Variants in CTSS observed in about 807,000 individuals in gnomAD.
CTSS encodes the protein cathepsin S.
CTSS carries 15 observed loss-of-function variants against 39.9 expected under a neutral mutation model. That is an observed-to-expected ratio of 0.38 (90% CI 0.25 to 0.58). The LOEUF is 0.58. Ranked by LOEUF, CTSS falls within the 20% of genes least tolerant of loss-of-function variation. The pLI is 0.70. For synonymous variants in CTSS, 126 were observed against 138.2 expected (o/e 0.91, Z 0.62); for missense variants, 250 against 398.2 (o/e 0.63, Z 3.17).
intron 7 of CTSS, among the ~76,000 whole-genome samples, chr1:150,734,273 C>T (rs587607748): frequency 1.3e-5 from 2 of 151,958 alleles, no homozygotes; most frequent in South Asian, 4.1e-4. Flanking sequence ...GTGATCTACC[C>T]GCCTCAGGCT....
intron 2 of CTSS, among the ~76,000 whole-genome samples, chr1:150,760,245 C>T (rs926187879): frequency 1.3e-5 from 2 of 152,102 alleles, no homozygotes; most frequent in Admixed American, 6.6e-5. Flanking sequence ...TTCATCACCA[C>T]CAACGAAACC....
chr1:150,758,119 A>T, intron 2 of CTSS, 139 bp from the exon 3 acceptor site: 1 of 688,990 alleles, frequency 1.5e-6, no homozygotes, highest in South Asian at 2.0e-5. Context: ...GCACGATCTC[A>T]GCTTACTTCA....
At chr1:150,760,568 C>T (rs1487191834) in intron 2 of CTSS, among the ~76,000 whole-genome samples, 1 of 152,086 alleles carries the variant, frequency 6.6e-6, no homozygotes, top group African/African-American at 2.4e-5. Flanking sequence ...AGTGAAATTG[C>T]GTTTGTTTGT....
At position 150,750,037 on chromosome 1, in the gene CTSS, C is replaced by T. The variant is rs758742072; in HGVS notation, c.762G>A (p.Ala254=). 24 of 1,608,978 alleles carry T rather than the reference C, an allele frequency of 1.5e-5. No homozygotes were observed. Among genetic ancestry groups the T allele is most frequent in the Admixed American group, 3.4e-5 (2 of 59,610 alleles). Residue 254 remains alanine (A), a synonymous_variant, in exon 6 of 8, where the codon GCG becomes GCA. Coordinates refer to ENST00000368985, the MANE Select transcript of CTSS (RefSeq NM_004079.5). The part of the protein sequence containing the change: ...NKGPVSVGVD[A]RHPSFFLYRS... ...TGTAGAGGAAGAAAGAAGGATGACG[C>T]GCATCTACACCAACAGACACTGGGC...
chr1:150,745,198 G>A (rs1277754954), intron 7 of CTSS, among the ~76,000 whole-genome samples: 3 of 152,142 alleles, frequency 2.0e-5, no homozygotes, highest in Non-Finnish European at 4.4e-5. Context: ...AAAGATTTAA[G>A]GGGTGTTATG....
At chr1:150,755,210 C>T in intron 3 of CTSS, 60 bp from the exon 4 acceptor site, 1 of 1,560,318 alleles carries the variant, frequency 6.4e-7, no homozygotes, top group Non-Finnish European at 8.8e-7. Flanking sequence ...CTGAGAAATG[C>T]ATCGTTAGGT....
chr1:150,747,588 G>A (rs1317956766), intron 7 of CTSS, among the ~76,000 whole-genome samples, 189 bp downstream of exon 7: 1 of 152,152 alleles, frequency 6.6e-6, no homozygotes, highest in Non-Finnish European at 1.5e-5. Context: ...AAAACAAAGT[G>A]ATGAAGGCAG....
chr1:150,754,424 CTTT>C (rs1653073205), intron 4 of CTSS, among the ~76,000 whole-genome samples: 1 of 142,438 alleles, frequency 7.0e-6, no homozygotes, highest in Non-Finnish European at 1.5e-5. Flanking sequence ...CTCCCTTATA[CTTT>C]ACCTTTTTTT....
intron 7 of CTSS, among the ~76,000 whole-genome samples, chr1:150,735,252 C>T (rs1445629331): frequency 6.6e-6 from 1 of 152,118 alleles, no homozygotes; most frequent in East Asian, 1.9e-4. Context: ...CAAATGACAC[C>T]ATTTAAAAGG....
Position 150,733,011 on chromosome 1 carries a change from A to G in CTSS, c.*35T>C, listed in dbSNP as rs1227195716. 3.4e-6 allele frequency: 5 copies of G among 1,450,456 alleles called. No homozygotes were observed. Among genetic ancestry groups the G allele is most frequent in the South Asian group, 1.2e-5 (1 of 84,856 alleles). The allele number at this position is 1,450,456 out of a possible 1,614,324, so 89.8% of individuals were successfully genotyped here. A position where few individuals can be genotyped will look rare whatever the true frequency, so the allele number is the denominator to read the frequency against. ...AAATTAAGTTAAGAGAAAGTGCTTCATATTTCTTGATTTGTTATAAAAAGG... is the reference window on the plus strand; with the variant it reads ...AAATTAAGTTAAGAGAAAGTGCTTCGTATTTCTTGATTTGTTATAAAAAGG... On this transcript the variant is annotated 3_prime_UTR_variant, in exon 8 of 8. Transcript: ENST00000368985.
rs1652527839 is a variant in CTSS, at chr1:150,731,718, G to T, written c.*1328C>A. 1 of 152,142 alleles carries T rather than the reference G, an allele frequency of 6.6e-6. No individual in the cohort carries two copies. Among genetic ancestry groups the T allele is most frequent in the African/African-American group, 2.4e-5 (1 of 41,434 alleles). The allele number at this position is 152,142 out of a possible 1,614,324, so 9.4% of individuals were successfully genotyped here. On this transcript the variant is annotated 3_prime_UTR_variant, in exon 8 of 8. Transcript: ENST00000368985. ...CCATCTGAATTAGATAAAAATATGA[G>T]CAGTGGAGTATTGGTTATTTTATTC...
intron 7 of CTSS, among the ~76,000 whole-genome samples, chr1:150,747,253 G>C (rs1236769348): frequency 6.6e-6 from 1 of 152,132 alleles, no homozygotes; most frequent in Non-Finnish European, 1.5e-5. Context: ...ACAGTATGGG[G>C]GAGAGAGTAC....
chr1:150,754,405 C>T lies in CTSS; in HGVS notation c.399+596G>A, dbSNP rs587697597. Among the ~76,000 whole-genome samples, 5 of 150,952 alleles carry T rather than the reference C, an allele frequency of 3.3e-5. No individual in the cohort carries two copies. The East Asian group carries it at 5.9e-4, about 18-fold the overall frequency. ...CTGGGATTACAGGCATGAGCCACTACGCCCGGCCCTCCCTTATACTTTACC... is the reference window on the plus strand; with the variant it reads ...CTGGGATTACAGGCATGAGCCACTATGCCCGGCCCTCCCTTATACTTTACC... On this transcript the variant is annotated intron_variant, in intron 4 of 7. Coordinates refer to ENST00000368985, the MANE Select transcript of CTSS (RefSeq NM_004079.5).
At position 150,741,794 on chromosome 1, in the gene CTSS, G is replaced by A. The variant is rs1652762149; in HGVS notation, c.896+5983C>T. On this transcript the variant is annotated intron_variant, in intron 7 of 7. Coordinates refer to ENST00000368985, the MANE Select transcript of CTSS (RefSeq NM_004079.5). ...GGAGACTGAGGCAGGAGAATCACTTGAACCTGGGAGACGGAGGTTGCAGTG... is the reference window on the plus strand; with the variant it reads ...GGAGACTGAGGCAGGAGAATCACTTAAACCTGGGAGACGGAGGTTGCAGTG... Among the ~76,000 whole-genome samples, 4 of 151,178 alleles carry A rather than the reference G, an allele frequency of 2.6e-5. No homozygotes were observed. In the South Asian group the frequency reaches 8.5e-4, roughly 32 times the overall value.
At chr1:150,754,729 T>TATTTTC (rs1653082284) in intron 4 of CTSS, among the ~76,000 whole-genome samples, 1 of 152,132 alleles carries the variant, frequency 6.6e-6, no homozygotes, top group Admixed American at 6.6e-5. Flanking sequence ...GCCTATTTTT[T>TATTTTC]ATTTTCATTT....
At position 150,730,321 on chromosome 1, in the gene CTSS, G is replaced by C. The variant is rs1168140555; in HGVS notation, c.*2725C>G. On this transcript the variant is annotated 3_prime_UTR_variant, in exon 8 of 8. Transcript: ENST00000368985. ...GTAGGTTTGATGAAGAGCAGCCAGT[G>C]ATGTAGAAATGTCATAGGGCAAAGT... is the stretch of plus-strand genomic sequence containing the variant. 1 of 152,202 alleles carries C rather than the reference G, an allele frequency of 6.6e-6. No homozygotes were observed. Among genetic ancestry groups the C allele is most frequent in the Non-Finnish European group, 1.5e-5 (1 of 68,038 alleles). The allele number at this position is 152,202 out of a possible 1,614,324, so 9.4% of individuals were successfully genotyped here.
chr1:150,747,093 G>A (rs1029679891), intron 7 of CTSS, among the ~76,000 whole-genome samples: 1 of 152,138 alleles, frequency 6.6e-6, no homozygotes, highest in Non-Finnish European at 1.5e-5. Flanking sequence ...AACAGAGAAG[G>A]AACAGAATCA....
chr1:150,764,517 C>T (rs989659670), intron 2 of CTSS, 121 bp downstream of exon 2: 25 of 1,337,590 alleles, frequency 1.9e-5, no homozygotes, highest in Middle Eastern at 2.5e-4. Context: ...GGATTACAGG[C>T]GCGAGCCACC....
intron 6 of CTSS, among the ~76,000 whole-genome samples, chr1:150,749,087 G>A (rs758384055): frequency 3.3e-5 from 5 of 152,128 alleles, no homozygotes; most frequent in African/African-American, 4.8e-5. Context: ...GAGACACAAT[G>A]ATATTGAAAT....
Sources: gnomAD v4.1 joint callset for allele counts (sites outside exome capture counted in the v4.1 genomes callset) on GRCh38, gnomAD v4.1.1 for gene constraint, MANE v1.5 for transcripts, NCBI Gene and HGNC (gene_info 2026-07-23, HGNC 2026-07-21) for gene names.